The following ZNF469 variants were observed in gnomAD, a reference collection of about 807,000 sequenced individuals.
ZNF469 encodes zinc finger protein 469.
A neutral mutation model predicts 1.0 loss-of-function variants in ZNF469; 1 was observed. The observed-to-expected ratio is 1.00, with a 90% confidence interval of 0.35 to 4.73. The LOEUF (loss-of-function observed/expected upper bound fraction) is 4.73. ZNF469 is among the 30% of genes most tolerant of loss of function. The pLI, the probability that ZNF469 is intolerant of heterozygous loss-of-function variation, is 0.16. For missense variants in ZNF469, 6,100 were observed against 5,356.3 expected (o/e 1.14, Z -4.33); for synonymous variants, 2,703 against 2,363.4 (o/e 1.14, Z -4.17).
At chr16:88,384,286 G>C (rs963216377) in intron 1 of ZNF469, among the ~76,000 whole-genome samples, 5 of 152,244 alleles carry the variant, frequency 3.3e-5, no homozygotes, top group Non-Finnish European at 5.9e-5. Context: ...CCAAGAGCAA[G>C]TCTAGTTCCC....
chr16:88,356,126 T>C, the ZNF469 span, among the ~76,000 whole-genome samples: 8 of 152,148 alleles, frequency 5.3e-5, no homozygotes, highest in African/African-American at 1.9e-4. Context: ...GAACTATGTG[T>C]GTACCCCAAA....
chr16:88,122,979 G>A, the ZNF469 span, among the ~76,000 whole-genome samples: 7 of 151,854 alleles, frequency 4.6e-5, no homozygotes, highest in Non-Finnish European at 1.0e-4. Context: ...ACAGGTGCCC[G>A]CCATTGGGTC....
At chr16:88,305,649 C>G in the ZNF469 span, among the ~76,000 whole-genome samples, 11 of 152,096 alleles carry the variant, frequency 7.2e-5, no homozygotes, top group Non-Finnish European at 1.3e-4. Flanking sequence ...CAGGCACACA[C>G]GCATGCACAC....
intron 1 of ZNF469, among the ~76,000 whole-genome samples, chr16:88,418,155 G>T (rs542819318): frequency 6.6e-6 from 1 of 152,346 alleles, no homozygotes; most frequent in African/African-American, 2.4e-5. Flanking sequence ...GCAAGCAGAA[G>T]ACCTGCGGCC....
chr16:88,151,207 T>G, the ZNF469 span, among the ~76,000 whole-genome samples: 1 of 152,170 alleles, frequency 6.6e-6, no homozygotes, highest in South Asian at 2.1e-4. This position sits in a 1 kb window ranked among gnomAD's most constrained non-coding sequence, Gnocchi z 5.4. Flanking sequence ...GCCTGGGGAC[T>G]GGTGCCGACT....
the ZNF469 span, among the ~76,000 whole-genome samples, chr16:88,174,417 G>C: frequency 2.0e-5 from 3 of 151,782 alleles, no homozygotes; most frequent in African/African-American, 7.3e-5. Context: ...CAGTACCCCT[G>C]TATCAGATCA....
At chr16:88,188,300 A>G in the ZNF469 span, among the ~76,000 whole-genome samples, 1 of 151,946 alleles carries the variant, frequency 6.6e-6, no homozygotes, top group African/African-American at 2.4e-5. Flanking sequence ...GTAACTGTGC[A>G]TCTCACTTGG....
chr16:88,414,404 C>T (rs1197864425), intron 1 of ZNF469, among the ~76,000 whole-genome samples: 1 of 152,232 alleles, frequency 6.6e-6, no homozygotes, highest in Non-Finnish European at 1.5e-5. Context: ...GCCACAGTCT[C>T]GTTACCTCCA....
At chr16:88,401,336 G>T (rs1173556645) in intron 1 of ZNF469, among the ~76,000 whole-genome samples, 1 of 152,232 alleles carries the variant, frequency 6.6e-6, no homozygotes, top group African/African-American at 2.4e-5. Flanking sequence ...GCTTACTCCA[G>T]GACGCCACAG....
the ZNF469 span, among the ~76,000 whole-genome samples, chr16:88,289,002 G>C: frequency 6.6e-6 from 1 of 152,252 alleles, no homozygotes; most frequent in Non-Finnish European, 1.5e-5. Context: ...TGATGGTGGT[G>C]GTGATGATAA....
chr16:88,312,561 C>CT, the ZNF469 span, among the ~76,000 whole-genome samples: 1 of 152,238 alleles, frequency 6.6e-6, no homozygotes, highest in Admixed American at 6.5e-5. Flanking sequence ...TACCCACCTC[C>CT]TTTTAAGCTT....
chr16:88,345,239 C>T, the ZNF469 span, among the ~76,000 whole-genome samples: 10 of 152,226 alleles, frequency 6.6e-5, no homozygotes, highest in South Asian at 1.4e-3. Flanking sequence ...CCTGGCATGG[C>T]GCCATCCACG....
the ZNF469 span, among the ~76,000 whole-genome samples, chr16:88,108,668 G>A: frequency 6.6e-6 from 1 of 152,214 alleles, no homozygotes; most frequent in Non-Finnish European, 1.5e-5. Flanking sequence ...TGACGCTGTA[G>A]GGTGTTGGCC....
the ZNF469 span, among the ~76,000 whole-genome samples, chr16:88,367,590 T>C: frequency 6.6e-6 from 1 of 152,154 alleles, no homozygotes; most frequent in Non-Finnish European, 1.5e-5. Context: ...AGCAGGAATT[T>C]AGAAATCAAA....
chr16:88,412,714 C>T (rs1216236551), intron 1 of ZNF469, among the ~76,000 whole-genome samples: 1 of 152,216 alleles, frequency 6.6e-6, no homozygotes, highest in Non-Finnish European at 1.5e-5. Flanking sequence ...GAACGGGGGA[C>T]CTCGTCAGGG....
At chr16:88,241,935 C>G in the ZNF469 span, among the ~76,000 whole-genome samples, 71 of 152,342 alleles carry the variant, frequency 4.7e-4, no homozygotes, top group Middle Eastern at 3.4e-3. This position sits in a 1 kb window ranked among gnomAD's most constrained non-coding sequence, Gnocchi z 4.8. Flanking sequence ...TGGGGGCACC[C>G]TGCAGCTGGA....
chr16:88,380,219 G>A (rs1243603122), upstream of ZNF469, among the ~76,000 whole-genome samples: 2 of 111,970 alleles, frequency 1.8e-5, no homozygotes, highest in Non-Finnish European at 3.7e-5. Flanking sequence ...ACACACAAAT[G>A]CACTCACAGA....
chr16:88,273,601 CA>C, the ZNF469 span, among the ~76,000 whole-genome samples: 1 of 152,174 alleles, frequency 6.6e-6, no homozygotes, highest in Non-Finnish European at 1.5e-5. Context: ...GGAAGTTCCT[CA>C]AAAAATTAAA....
At chr16:88,180,803 G>T in the ZNF469 span, among the ~76,000 whole-genome samples, 1 of 148,102 alleles carries the variant, frequency 6.8e-6, no homozygotes, top group Non-Finnish European at 1.5e-5. Context: ...ACAAATAAAA[G>T]TGCCATTCTG....
Sources: allele counts gnomAD v4.1 joint callset (sites outside exome capture counted in the v4.1 genomes callset), GRCh38; gene constraint gnomAD v4.1.1; non-coding constraint Gnocchi (gnomAD v3.1); transcripts MANE v1.5; gene names NCBI Gene and HGNC (gene_info 2026-07-23, HGNC 2026-07-21).